The following HIPK2 variants were observed in gnomAD, a reference collection of about 807,000 sequenced individuals.
HIPK2 encodes the protein homeodomain-interacting protein kinase 2.
Under a neutral mutation model 113.7 loss-of-function variants are expected in HIPK2, and 27 were observed. The ratio of observed to expected loss-of-function variants is 0.24; its 90% CI spans 0.17 to 0.33. The LOEUF is 0.33. Ranked by LOEUF, HIPK2 falls within the 10% of genes least tolerant of loss-of-function variation. HIPK2 has a pLI of 1.00. For synonymous variants in HIPK2, 631 were observed against 642.2 expected, an observed-to-expected ratio of 0.98 and a Z score of 0.26; for missense variants, 1,257 against 1,588.0, an observed-to-expected ratio of 0.79 and a Z score of 3.54.
At position 139,760,194 on chromosome 7, in the gene HIPK2, C is replaced by T. The variant is rs186878219; in HGVS notation, c.19+17411G>A. On this transcript the variant is annotated intron_variant, in intron 1 of 14. Transcript: ENST00000406875. ...ATTTTTTTGTATTTTTTAGTAGAGACGGTGTTTCACCATGTTAGCCAGGAT... is the reference window on the plus strand; with the variant it reads ...ATTTTTTTGTATTTTTTAGTAGAGATGGTGTTTCACCATGTTAGCCAGGAT... Among the ~76,000 whole-genome samples, 574 of 152,200 alleles carry T rather than the reference C, an allele frequency of 3.8e-3. 5 individuals are homozygous for T. Among genetic ancestry groups the T allele is most frequent in the African/African-American group, 0.013 (543 of 41,526 alleles).
rs1585223582 is a variant in HIPK2 at position 139,573,009 on chromosome 7, T to C, written c.3515A>G (p.Tyr1172Cys). Residue 1172 changes from tyrosine (Y) to cysteine (C), a missense_variant, in exon 15 of 15, where the codon TAC becomes TGC. Physicochemically the swap from Tyr to Cys is radical, Grantham distance 194 (BLOSUM62 -2). Transcript: ENST00000406875. ...GGTGGAGGCTGGCGAGGCGCTGATGTAGGTCTGGTGGGCAAATTGGGCTGG... is the reference window on the plus strand; with the variant it reads ...GGTGGAGGCTGGCGAGGCGCTGATGCAGGTCTGGTGGGCAAATTGGGCTGG... ...QYPAQFAHQT[Y>C]ISASPASTVY... 1.9e-6 allele frequency: 3 copies of C among 1,611,278 alleles called. No individual in the cohort carries two copies. The East Asian group carries it at 6.7e-5, about 36-fold the overall frequency.
At chr7:139,675,209 C>T (rs757606749) in intron 2 of HIPK2, among the ~76,000 whole-genome samples, 4 of 152,120 alleles carry the variant, frequency 2.6e-5, no homozygotes, top group Non-Finnish European at 1.5e-5. Context: ...GCACATCCTG[C>T]TCAGTGACTG....
chr7:139,656,085 C>T lies in HIPK2; in HGVS notation c.1104-24360G>A, dbSNP rs369579892. 2.0e-5 allele frequency among the ~76,000 whole-genome samples: 3 copies of T among 152,218 alleles called. No individual in the cohort carries two copies. The South Asian group carries it at 6.2e-4, about 32-fold the overall frequency. On this transcript the variant is annotated intron_variant, in intron 2 of 14. Transcript: ENST00000406875. ...TTTGCTGGTCTCTGCTCATTTCTCC[C>T]ATCATTCTTCTCTCTCCTCTTCCTT...
chr7:139,636,070 C>T (rs541508958), intron 2 of HIPK2, among the ~76,000 whole-genome samples: 1 of 152,270 alleles, frequency 6.6e-6, no homozygotes, highest in African/African-American at 2.4e-5. Flanking sequence ...GTCACTGACG[C>T]GCTGCACTTG....
rs962291844 is a variant in HIPK2, at chr7:139,569,617, T to C, written c.*3310A>G. ...AATGACAACCTTGATGGTGACCATG[T>C]TGTCAGAAGCCCAATCAAGGCTTTG... On this transcript the variant is annotated 3_prime_UTR_variant, in exon 15 of 15. Coordinates refer to ENST00000406875, the MANE Select transcript of HIPK2 (RefSeq NM_022740.5). 6.6e-6 allele frequency: 1 copy of C among 152,192 alleles called. No homozygotes were observed. The highest frequency in any genetic ancestry group is 1.5e-5 in the Non-Finnish European group (1 of 68,026). The allele number at this position is 152,192 out of a possible 1,614,324, so 9.4% of individuals were successfully genotyped here. A position where few individuals can be genotyped will look rare whatever the true frequency, so the allele number is the denominator to read the frequency against.
intron 4 of HIPK2, among the ~76,000 whole-genome samples, chr7:139,629,863 G>A (rs1246421891): frequency 2.0e-5 from 3 of 151,906 alleles, no homozygotes; most frequent in South Asian, 4.2e-4. Context: ...CTCCTCCACC[G>A]GAGGACTCTT....
intron 13 of HIPK2, among the ~76,000 whole-genome samples, chr7:139,582,002 GA>G (rs1483794918): frequency 1.6e-4 from 25 of 152,352 alleles, no homozygotes; most frequent in Middle Eastern, 3.4e-3. Context: ...TAGCTGAGCT[GA>G]AAAGTATGCA....
chr7:139,771,192 C>T (rs563166153), intron 1 of HIPK2, among the ~76,000 whole-genome samples: 56 of 152,216 alleles, frequency 3.7e-4, no homozygotes, highest in Middle Eastern at 6.8e-3. Context: ...ATTTGACAAA[C>T]GGTCCCTTCT....
At chr7:139,643,157 G>C (rs899786477) in intron 2 of HIPK2, among the ~76,000 whole-genome samples, 1 of 152,112 alleles carries the variant, frequency 6.6e-6, no homozygotes, top group Non-Finnish European at 1.5e-5. Context: ...ACCAATACAA[G>C]TGCTGAAGAC....
chr7:139,596,811 T>C lies in HIPK2; in HGVS notation c.2623A>G (p.Ile875Val), dbSNP rs1276314482. The C allele has an allele frequency of 2.5e-6, 4 of 1,613,784 alleles. No individual in the cohort carries two copies. The highest frequency in any genetic ancestry group is 3.4e-6 in the Non-Finnish European group (4 of 1,179,870). Residue 875 changes from isoleucine (I) to valine (V), a missense_variant, in exon 12 of 15, where the codon ATT (isoleucine) becomes GTT (valine). Physicochemically the swap from Ile to Val is conservative, Grantham distance 29. Around this residue, in one of 5 missense-constraint regions of HIPK2, gnomAD observed 862 missense variants for 1,004.3 expected, o/e 0.86. Coordinates refer to ENST00000406875, the MANE Select transcript of HIPK2 (RefSeq NM_022740.5). ...STTRERQRQT[I>V]VIPDTPSPTV... ...GGGCTGGGAGTGTCGGGAATGACAA[T>C]TGTCTGCCGCTGCCGTTCCCGGGTG... is the stretch of plus-strand genomic sequence containing the variant.
At position 139,630,119 on chromosome 7, in the gene HIPK2, A is replaced by G. The variant is rs890509945; in HGVS notation, c.1347+1046T>C. On this transcript the variant is annotated intron_variant, in intron 4 of 14. Transcript: ENST00000406875. The surrounding 1 kb of genome is among the most constrained non-coding windows in gnomAD (Gnocchi z 4.0). ...AAAAAAGAAATACCTAAAATGAAAC[A>G]TATTTAAGACTTTATTATTTTCTTT... 1.3e-5 allele frequency among the ~76,000 whole-genome samples: 2 copies of G among 152,130 alleles called. No individual in the cohort carries two copies. Among genetic ancestry groups the G allele is most frequent in the Non-Finnish European group, 2.9e-5 (2 of 68,022 alleles).
chr7:139,698,454 C>T (rs1013981665), intron 2 of HIPK2, among the ~76,000 whole-genome samples: 2 of 152,144 alleles, frequency 1.3e-5, no homozygotes, highest in Non-Finnish European at 2.9e-5. Context: ...CTTGTTTGCA[C>T]TTCTTTTGGG....
intron 2 of HIPK2, among the ~76,000 whole-genome samples, chr7:139,635,601 G>A (rs1470245478): frequency 6.6e-5 from 10 of 151,976 alleles, no homozygotes; most frequent in African/African-American, 2.2e-4. Flanking sequence ...AGCCATTCAC[G>A]GTACCATGAT....
At chr7:139,681,952 A>G (rs1232373517) in intron 2 of HIPK2, among the ~76,000 whole-genome samples, 1 of 152,100 alleles carries the variant, frequency 6.6e-6, no homozygotes, top group African/African-American at 2.4e-5. Flanking sequence ...AGTGGGCTCT[A>G]TCTTTTCCAG....
intron 2 of HIPK2, among the ~76,000 whole-genome samples, chr7:139,667,002 T>G (rs1275734595): frequency 6.6e-6 from 1 of 151,824 alleles, no homozygotes; most frequent in Non-Finnish European, 1.5e-5. Flanking sequence ...GGGGCAGAGG[T>G]TGCAGTGAGC....
chr7:139,675,053 T>C (rs917625980), intron 2 of HIPK2, among the ~76,000 whole-genome samples: 1 of 152,178 alleles, frequency 6.6e-6, no homozygotes, highest in Non-Finnish European at 1.5e-5. Context: ...TTTAGTTCTA[T>C]TGTACCAAAA....
At chr7:139,749,455 T>G (rs1796243329) in intron 1 of HIPK2, among the ~76,000 whole-genome samples, 1 of 151,704 alleles carries the variant, frequency 6.6e-6, no homozygotes, top group Non-Finnish European at 1.5e-5. Flanking sequence ...AGATAAAAGA[T>G]CTTGCACAAG....
rs1361415490 is a variant in HIPK2, at chr7:139,683,326, C to G, written c.1103+32606G>C. 1.3e-5 allele frequency among the ~76,000 whole-genome samples: 2 copies of G among 152,200 alleles called. No individual in the cohort carries two copies. Among genetic ancestry groups the G allele is most frequent in the African/African-American group, 4.8e-5 (2 of 41,456 alleles). The stretch of plus-strand genomic sequence containing the variant: ...AAATAACCATTACTTCATGGTTGCT[C>G]TAGGCCAGTGCTTCAGCAGCGGCCT... On this transcript the variant is annotated intron_variant, in intron 2 of 14. Transcript: ENST00000406875. The surrounding 1 kb of genome is among the most constrained non-coding windows in gnomAD (Gnocchi z 4.2).
intron 2 of HIPK2, among the ~76,000 whole-genome samples, chr7:139,650,869 CCA>C (rs1348086167): frequency 1.3e-5 from 2 of 152,362 alleles, no homozygotes; most frequent in East Asian, 3.9e-4. Context: ...CCCTCCAGCC[CCA>C]GTCACGCCCT....
Sources: allele counts gnomAD v4.1 joint callset (sites outside exome capture counted in the v4.1 genomes callset), GRCh38; gene constraint gnomAD v4.1.1; regional missense constraint gnomAD v4.1.1; non-coding constraint Gnocchi (gnomAD v3.1); transcripts MANE v1.5; gene names NCBI Gene and HGNC (gene_info 2026-07-23, HGNC 2026-07-21).